Variants in NMNAT2 observed in about 807,000 individuals in gnomAD.
NMNAT2 encodes nicotinamide/nicotinic acid mononucleotide adenylyltransferase 2.
Under a neutral mutation model 41.6 loss-of-function variants are expected in NMNAT2, and 11 were observed. The ratio of observed to expected loss-of-function variants is 0.26; its 90% CI spans 0.17 to 0.44. NMNAT2 has a LOEUF of 0.44. Ranked by LOEUF, NMNAT2 falls within the 20% of genes least tolerant of loss-of-function variation. The probability of loss-of-function intolerance (pLI) is 1.00; values close to 1 mark genes in which losing one functional copy is unlikely to be tolerated. For missense variants in NMNAT2, 288 were observed against 407.7 expected (o/e 0.71, Z 2.53); for synonymous variants, 148 against 151.2 (o/e 0.98, Z 0.16).
chr1:183,293,003 G>C (rs988202240), intron 2 of NMNAT2, 146 bp from the exon 3 acceptor site: 2 of 758,654 alleles, frequency 2.6e-6, no homozygotes, highest in South Asian at 1.6e-5. Flanking sequence ...TTACTTGTCC[G>C]TTTGCCACAC....
At chr1:183,263,992 G>A (rs577648957) in intron 8 of NMNAT2, among the ~76,000 whole-genome samples, 4 of 152,206 alleles carry the variant, frequency 2.6e-5, no homozygotes, top group South Asian at 2.1e-4. Flanking sequence ...GAGAAGGGAG[G>A]AGAAGAGCAG....
intron 8 of NMNAT2, among the ~76,000 whole-genome samples, chr1:183,271,728 A>G (rs1660992030): frequency 6.6e-6 from 1 of 152,184 alleles, no homozygotes; most frequent in Non-Finnish European, 1.5e-5. Context: ...TTGATTGAAG[A>G]AAGGAATGCT....
intron 1 of NMNAT2, among the ~76,000 whole-genome samples, chr1:183,323,225 C>T (rs1290178422): frequency 6.6e-6 from 1 of 152,222 alleles, no homozygotes. Context: ...AGCCACCGCA[C>T]CTGGCCACAA....
intron 1 of NMNAT2, among the ~76,000 whole-genome samples, chr1:183,305,378 C>T (rs1319732870): frequency 2.6e-5 from 4 of 152,086 alleles, no homozygotes; most frequent in African/African-American, 9.7e-5. Flanking sequence ...TGGAGGAGCC[C>T]ACCTTGGCTC....
intron 1 of NMNAT2, among the ~76,000 whole-genome samples, chr1:183,393,033 A>G (rs1392079883): frequency 6.6e-6 from 1 of 152,200 alleles, no homozygotes; most frequent in African/African-American, 2.4e-5. Context: ...CTGTCTTAAC[A>G]TAGTAGGCAC....
intron 1 of NMNAT2, among the ~76,000 whole-genome samples, chr1:183,410,406 G>A (rs896048569): frequency 1.1e-4 from 16 of 152,052 alleles, no homozygotes; most frequent in Non-Finnish European, 1.5e-4. Context: ...GAGTGATACA[G>A]AAATAATAAC....
chr1:183,409,827 G>A (rs757069798), intron 1 of NMNAT2, among the ~76,000 whole-genome samples: 14 of 152,282 alleles, frequency 9.2e-5, no homozygotes, highest in Non-Finnish European at 1.9e-4. Context: ...GAGAATACTT[G>A]AGCAACAAGG....
intron 1 of NMNAT2, among the ~76,000 whole-genome samples, chr1:183,306,837 C>T (rs1402607393): frequency 2.6e-5 from 4 of 152,110 alleles, no homozygotes; most frequent in Non-Finnish European, 4.4e-5. Context: ...ACCTTGGGTA[C>T]CCAGCTAGTT....
Position 183,412,421 on chromosome 1 carries a change from C to T in NMNAT2, c.85+5762G>A, listed in dbSNP as rs187003304. Among the ~76,000 whole-genome samples the T allele has an allele frequency of 1.7e-3, 266 of 152,306 alleles. 1 individual carries two copies. Among genetic ancestry groups the T allele is most frequent in the African/African-American group, 5.0e-3 (208 of 41,562 alleles). ...TGTATTTTTAGTAGAGATGGGGTTT[C>T]ACCTTGTTAGCCAGGATGGTCTCGA... is the stretch of plus-strand genomic sequence containing the variant. On this transcript the variant is annotated intron_variant, in intron 1 of 10. Transcript: ENST00000287713.
intron 1 of NMNAT2, among the ~76,000 whole-genome samples, chr1:183,372,627 C>G (rs146960602): frequency 6.6e-6 from 1 of 152,296 alleles, no homozygotes; most frequent in African/African-American, 2.4e-5. Context: ...GTTCCTTGAC[C>G]TCTTTCTTCA....
intron 7 of NMNAT2, 93 bp from the exon 8 acceptor site, chr1:183,278,722 C>T (rs1478066082): frequency 3.4e-6 from 3 of 884,460 alleles, no homozygotes; most frequent in African/African-American, 1.6e-5. Flanking sequence ...ATACATAACT[C>T]TCCCACCTTT....
chr1:183,290,288 A>G lies in NMNAT2; in HGVS notation c.243-82T>C, dbSNP rs1373638544. The G allele has an allele frequency of 2.6e-6, 3 of 1,167,304 alleles. No homozygotes were observed. In the Admixed American group the frequency reaches 6.3e-5, roughly 25 times the overall value. 72.3% of individuals were successfully genotyped at this position (1,167,304 alleles called of 1,614,324 possible). A position where few individuals can be genotyped will look rare whatever the true frequency, so the allele number is the denominator to read the frequency against. ...TGTTACCTTCCAAAAATCATAGCTC[A>G]GGAAGCATGGCAGATCTGGCCATAC... On this transcript the variant is annotated intron_variant, in intron 3 of 10. Coordinates refer to ENST00000287713, the MANE Select transcript of NMNAT2 (RefSeq NM_015039.4).
intron 1 of NMNAT2, among the ~76,000 whole-genome samples, chr1:183,300,260 G>T (rs1019682391): frequency 2.0e-5 from 3 of 152,144 alleles, no homozygotes; most frequent in African/African-American, 4.8e-5. Flanking sequence ...AAATTAGCCA[G>T]GCGTGGTGGC....
At chr1:183,320,521 G>A (rs1435694223) in intron 1 of NMNAT2, among the ~76,000 whole-genome samples, 1 of 152,176 alleles carries the variant, frequency 6.6e-6, no homozygotes, top group African/African-American at 2.4e-5. Flanking sequence ...CAGGAGAATC[G>A]CTTAAACCCA....
chr1:183,401,370 A>G (rs1648803488), intron 1 of NMNAT2, among the ~76,000 whole-genome samples: 1 of 152,204 alleles, frequency 6.6e-6, no homozygotes, highest in South Asian at 2.1e-4. Flanking sequence ...ATGAGATACC[A>G]TCTCACACCA....
chr1:183,319,230 C>T (rs181608772), intron 1 of NMNAT2, among the ~76,000 whole-genome samples: 7 of 152,322 alleles, frequency 4.6e-5, no homozygotes, highest in African/African-American at 1.2e-4. Flanking sequence ...CTGCCAACAT[C>T]GAGCACCTAC....
chr1:183,400,640 A>C (rs1157215690), intron 1 of NMNAT2, among the ~76,000 whole-genome samples: 1 of 152,220 alleles, frequency 6.6e-6, no homozygotes, highest in African/African-American at 2.4e-5. Flanking sequence ...AGCTGGAGGC[A>C]TCATGCTACC....
intron 1 of NMNAT2, among the ~76,000 whole-genome samples, chr1:183,392,364 C>T (rs1185046764): frequency 6.6e-6 from 1 of 152,174 alleles, no homozygotes; most frequent in African/African-American, 2.4e-5. Flanking sequence ...TCACTTTTAC[C>T]CTCTACCTCC....
intron 1 of NMNAT2, among the ~76,000 whole-genome samples, chr1:183,313,402 A>C (rs535978329): frequency 6.6e-6 from 1 of 152,262 alleles, no homozygotes; most frequent in South Asian, 2.1e-4. Flanking sequence ...TTTGGTTAGC[A>C]AGGAAAAAAG....
Sources: allele counts gnomAD v4.1 joint callset (sites outside exome capture counted in the v4.1 genomes callset), GRCh38; gene constraint gnomAD v4.1.1; transcripts MANE v1.5; gene names NCBI Gene and HGNC (gene_info 2026-07-23, HGNC 2026-07-21).